FCN2: variants seen among roughly 807,000 people sequenced by gnomAD.
FCN2 encodes ficolin 2.
FCN2 carries 31 observed loss-of-function variants against 32.5 expected under a neutral mutation model. The observed-to-expected ratio is 0.96, with a 90% CI of 0.72 to 1.29. FCN2 has a LOEUF of 1.29. Among genes scored for constraint, FCN2 ranks in the 50% most tolerant of loss-of-function variants. The pLI is 0.00. For synonymous variants in FCN2, 181 were observed against 164.5 expected, an observed-to-expected ratio of 1.10 and a Z score of -0.77; for missense variants, 412 against 406.5, an observed-to-expected ratio of 1.01 and a Z score of -0.12.
upstream of FCN2, among the ~76,000 whole-genome samples, chr9:134,876,045 A>G (rs922434244): frequency 2.0e-5 from 3 of 152,204 alleles, no homozygotes; most frequent in African/African-American, 4.8e-5. Context: ...AGATGATAGT[A>G]TATCATTTTT....
chr9:134,870,090 C>T, the FCN2 span, among the ~76,000 whole-genome samples: 1 of 152,222 alleles, frequency 6.6e-6, no homozygotes, highest in Non-Finnish European at 1.5e-5. The surrounding 1 kb of genome is among the most constrained non-coding windows in gnomAD (Gnocchi z 4.3). Context: ...GGCAGGGTTC[C>T]TCTGCCCAAG....
intron 5 of FCN2, 61 bp downstream of exon 5, chr9:134,885,427 C>T: frequency 1.3e-6 from 2 of 1,595,310 alleles, no homozygotes; most frequent in African/African-American, 1.3e-5. Context: ...GGCTGCACAC[C>T]TGGTGGGAGA....
chr9:134,887,459 T>TG lies in FCN2; in HGVS notation c.*44_*45insG, dbSNP rs570138196. On this transcript the variant is annotated 3_prime_UTR_variant, in exon 8 of 8. Coordinates refer to ENST00000291744, the MANE Select transcript of FCN2 (RefSeq NM_004108.3). ...TCAGGACGCCTCCACACATAGTTGG[T>TG]TGGGGGGTAGGGTTGGGAGCTTGGC... The TG allele has an allele frequency of 0.012, 19,240 of 1,594,228 alleles. 282 individuals are homozygous for TG. The highest frequency in any genetic ancestry group is 0.054 in the South Asian group (4,879 of 90,316).
chr9:134,880,683 C>T (rs1025847274), upstream of FCN2: 3 of 725,512 alleles, frequency 4.1e-6, no homozygotes, highest in South Asian at 1.5e-5. Context: ...GAGATGATCT[C>T]GCACCTCCTG....
At chr9:134,867,599 C>T in the FCN2 span, among the ~76,000 whole-genome samples, 1 of 150,568 alleles carries the variant, frequency 6.6e-6, no homozygotes, top group South Asian at 2.1e-4. Context: ...ATGTAACTAA[C>T]CTGCACATTG....
upstream of FCN2, among the ~76,000 whole-genome samples, chr9:134,876,599 G>A (rs3128631): frequency 0.85 from 129,347 of 152,256 alleles, 55,312 homozygotes; most frequent in East Asian, 0.98. Flanking sequence ...TTGTTTTGAG[G>A]TGGAGTTTCC....
chr9:134,880,175 A>G (rs1048459065), upstream of FCN2, among the ~76,000 whole-genome samples: 11 of 152,160 alleles, frequency 7.2e-5, no homozygotes, highest in African/African-American at 2.2e-4. Flanking sequence ...TACCTGGGTC[A>G]TAGTCCCCCA....
At chr9:134,871,185 A>G in the FCN2 span, among the ~76,000 whole-genome samples, 2 of 152,306 alleles carry the variant, frequency 1.3e-5, no homozygotes, top group East Asian at 3.9e-4. Context: ...TGTGATCCCA[A>G]TCAGGCAGGG....
At chr9:134,875,835 G>T (rs1204783844), upstream of FCN2, among the ~76,000 whole-genome samples, 1 of 152,144 alleles carries the variant, frequency 6.6e-6, no homozygotes, top group African/African-American at 2.4e-5. Flanking sequence ...TGAGACCTTA[G>T]CAGAGAACCC....
At chr9:134,865,720 C>T in the FCN2 span, among the ~76,000 whole-genome samples, 1 of 152,072 alleles carries the variant, frequency 6.6e-6, no homozygotes, top group Admixed American at 6.5e-5. Flanking sequence ...CTTAGAGCAC[C>T]CTTAGCAGGG....
At chr9:134,872,846 T>C in the FCN2 span, among the ~76,000 whole-genome samples, 3 of 152,168 alleles carry the variant, frequency 2.0e-5, no homozygotes, top group African/African-American at 7.2e-5. Context: ...TTTTTAACTT[T>C]TTCCAAATTG....
At chr9:134,875,512 T>A in the FCN2 span, among the ~76,000 whole-genome samples, 1 of 152,252 alleles carries the variant, frequency 6.6e-6, no homozygotes, top group African/African-American at 2.4e-5. Context: ...TGTGATTATG[T>A]GCACGTGACT....
chr9:134,875,224 A>AGAAATG, the FCN2 span, among the ~76,000 whole-genome samples: 2 of 152,126 alleles, frequency 1.3e-5, no homozygotes, highest in African/African-American at 4.8e-5. Context: ...CTTGCTGAGT[A>AGAAATG]GAAATGGTGG....
the FCN2 span, among the ~76,000 whole-genome samples, chr9:134,867,018 AG>A: frequency 9.2e-6 from 1 of 108,896 alleles, no homozygotes; most frequent in Non-Finnish European, 1.8e-5. Context: ...GTGGAGAAAT[AG>A]GAACACTTTT....
the FCN2 span, among the ~76,000 whole-genome samples, chr9:134,874,160 C>G: frequency 2.6e-5 from 4 of 152,220 alleles, no homozygotes; most frequent in Non-Finnish European, 5.9e-5. Context: ...AAGTGATTTG[C>G]CCAGCTTGGC....
Position 134,880,849 on chromosome 9 carries a change from C to T in FCN2, c.28C>T (p.Leu10=), listed in dbSNP as rs1830651773. ...GGAGCTGGACAGAGCTGTGGGGGTCCTGGGCGCTGCCACCCTGCTGCTCTC... is the reference window on the plus strand; with the variant it reads ...GGAGCTGGACAGAGCTGTGGGGGTCTTGGGCGCTGCCACCCTGCTGCTCTC... MELDRAVGV[L]GAATLLLSFL... is the part of the protein sequence containing the mutation. The change falls in exon 1 of 8, where the codon CTG becomes TTG. Residue 10 remains leucine (L), a synonymous_variant. Transcript: ENST00000291744. The T allele has an allele frequency of 6.2e-7, 1 of 1,613,728 alleles. No homozygotes were observed.
At chr9:134,877,416 T>C (rs1830613337), upstream of FCN2, among the ~76,000 whole-genome samples, 1 of 152,258 alleles carries the variant, frequency 6.6e-6, no homozygotes, top group Non-Finnish European at 1.5e-5. Context: ...AGAAGAATGT[T>C]ATTTAGTATC....
At chr9:134,877,026 TC>T (rs1280537053), upstream of FCN2, among the ~76,000 whole-genome samples, 1 of 152,254 alleles carries the variant, frequency 6.6e-6, no homozygotes, top group Admixed American at 6.5e-5. Context: ...ATTGATCTCT[TC>T]CTAATAGTGA....
In FCN2 at chr9:134,882,640, G is replaced by T. The variant is rs746174612; in HGVS notation, c.214+1G>T. The T allele has an allele frequency of 1.3e-6, 2 of 1,599,586 alleles. No homozygotes were observed. The highest frequency in any genetic ancestry group is 2.7e-5 in the African/African-American group (2 of 74,660). ...GAGGCAGGCACCAATGGAAAGAGAGGTAGGTGCAGGCATGGCTGGGGGCAC... is the reference window on the plus strand; with the variant it reads ...GAGGCAGGCACCAATGGAAAGAGAGTTAGGTGCAGGCATGGCTGGGGGCAC... On this transcript the variant is annotated splice_donor_variant, in intron 2 of 7. Transcript: ENST00000291744. LOFTEE classifies it high-confidence loss of function.
Sources: allele counts gnomAD v4.1 joint callset (sites outside exome capture counted in the v4.1 genomes callset), GRCh38; gene constraint gnomAD v4.1.1; non-coding constraint Gnocchi (gnomAD v3.1); transcripts MANE v1.5; gene names NCBI Gene and HGNC (gene_info 2026-07-23, HGNC 2026-07-21).